Variants in SLC15A5 observed in about 807,000 individuals in gnomAD.
The protein encoded by SLC15A5 is solute carrier family 15 member 5, also known as Peptide/histidine transporter ENSP00000340402.
Under a neutral mutation model 56.1 loss-of-function variants are expected in SLC15A5, and 58 were observed. The ratio of observed to expected loss-of-function variants is 1.03; its 90% CI spans 0.84 to 1.29. The LOEUF is 1.29. SLC15A5 is among the 50% of genes most tolerant of loss of function. SLC15A5 has a pLI of 0.00. For missense variants in SLC15A5, 681 were observed against 672.1 expected (o/e 1.01, Z -0.15); for synonymous variants, 264 against 250.5 (o/e 1.05, Z -0.51).
chr12:16,259,214 T>C (rs1405976303), intron 2 of SLC15A5, among the ~76,000 whole-genome samples: 1 of 151,650 alleles, frequency 6.6e-6, no homozygotes. Context: ...TTTTTTTATT[T>C]TTAGTAGAGA....
intron 3 of SLC15A5, among the ~76,000 whole-genome samples, chr12:16,247,977 C>T (rs79109468): frequency 5.1e-4 from 78 of 152,096 alleles, no homozygotes; most frequent in Non-Finnish European, 9.9e-4. Flanking sequence ...CAGTAGTAGC[C>T]ATGAAGAGAT....
At chr12:16,258,333 A>AAT (rs1396762541) in intron 2 of SLC15A5, among the ~76,000 whole-genome samples, 1 of 152,200 alleles carries the variant, frequency 6.6e-6, no homozygotes, top group Non-Finnish European at 1.5e-5. Context: ...AATACTCAGA[A>AAT]ATATCTGGGT....
At chr12:16,274,289 T>C (rs1167318097) in intron 1 of SLC15A5, among the ~76,000 whole-genome samples, 1 of 152,108 alleles carries the variant, frequency 6.6e-6, no homozygotes. Flanking sequence ...CCTACCATCA[T>C]TGTATGAGAA....
chr12:16,267,419 G>T (rs1055622221), intron 2 of SLC15A5, among the ~76,000 whole-genome samples: 1 of 116,342 alleles, frequency 8.6e-6, no homozygotes. Context: ...TATTCTGGCA[G>T]CCAAATATTT....
chr12:16,223,537 C>A (rs1864209464), intron 6 of SLC15A5, among the ~76,000 whole-genome samples: 1 of 151,988 alleles, frequency 6.6e-6, no homozygotes, highest in African/African-American at 2.4e-5. Flanking sequence ...TTCAGAAACC[C>A]TTGATATTTA....
intron 7 of SLC15A5, among the ~76,000 whole-genome samples, chr12:16,211,454 A>G (rs1205051000): frequency 6.6e-6 from 1 of 152,152 alleles, no homozygotes; most frequent in African/African-American, 2.4e-5. Context: ...ACTTGTAGGG[A>G]CAAGAAGATA....
intron 3 of SLC15A5, among the ~76,000 whole-genome samples, chr12:16,255,029 A>T (rs934948980): frequency 3.9e-5 from 6 of 152,138 alleles, no homozygotes; most frequent in Non-Finnish European, 7.4e-5. Context: ...GTTTGAAATG[A>T]TGGATCTGCC....
chr12:16,260,583 A>G (rs1382230142), intron 2 of SLC15A5, among the ~76,000 whole-genome samples: 1 of 151,986 alleles, frequency 6.6e-6, no homozygotes, highest in East Asian at 1.9e-4. Context: ...ATGTTCTACA[A>G]ATGTTTTCTT....
chr12:16,265,182 T>A (rs1001919563), intron 2 of SLC15A5, among the ~76,000 whole-genome samples: 1 of 152,142 alleles, frequency 6.6e-6, no homozygotes, highest in Non-Finnish European at 1.5e-5. Context: ...ATCACAGCTA[T>A]TGTAGCAAGG....
intron 7 of SLC15A5, among the ~76,000 whole-genome samples, chr12:16,203,836 C>T (rs953246549): frequency 2.0e-5 from 3 of 151,998 alleles, no homozygotes; most frequent in Non-Finnish European, 2.9e-5. Flanking sequence ...TATAAATTTA[C>T]CAAGTTTATT....
chr12:16,237,099 T>A lies in SLC15A5; in HGVS notation c.1162+2582A>T, dbSNP rs1275350914. Among the ~76,000 whole-genome samples the A allele has an allele frequency of 6.6e-6, 1 of 152,154 alleles. No individual in the cohort carries two copies. The highest frequency in any genetic ancestry group is 2.4e-5 in the African/African-American group (1 of 41,436). ...ATTCATAATTCATATACCTATATACTTCACCCACATTTTCAGGCACTTGAG... is the reference window on the plus strand; with the variant it reads ...ATTCATAATTCATATACCTATATACATCACCCACATTTTCAGGCACTTGAG... On this transcript the variant is annotated intron_variant, in intron 5 of 8. Coordinates refer to ENST00000344941, the MANE Select transcript of SLC15A5 (RefSeq NM_001170798.1). The surrounding 1 kb of genome is among the most constrained non-coding windows in gnomAD (Gnocchi z 4.1).
At chr12:16,247,421 G>C (rs892800283) in intron 3 of SLC15A5, among the ~76,000 whole-genome samples, 9 of 151,998 alleles carry the variant, frequency 5.9e-5, no homozygotes, top group African/African-American at 1.9e-4. Flanking sequence ...AACTGTTTTG[G>C]GCCCTGAAAA....
chr12:16,259,636 C>T (rs1339172009), intron 2 of SLC15A5, among the ~76,000 whole-genome samples: 2 of 152,102 alleles, frequency 1.3e-5, no homozygotes, highest in Non-Finnish European at 2.9e-5. Context: ...GAACTTAATG[C>T]GATCATAGTA....
intron 3 of SLC15A5, 69 bp from the exon 4 acceptor site, chr12:16,244,869 G>T: frequency 7.0e-7 from 1 of 1,437,016 alleles, no homozygotes; most frequent in Non-Finnish European, 9.4e-7. Context: ...ATGCTGATCA[G>T]AAAGATAACG....
intron 7 of SLC15A5, among the ~76,000 whole-genome samples, chr12:16,204,582 A>G (rs1430592494): frequency 6.6e-6 from 1 of 151,964 alleles, no homozygotes; most frequent in African/African-American, 2.4e-5. Context: ...TCATAAAATT[A>G]TTATAATAAT....
chr12:16,218,195 T>C (rs1053216380), intron 6 of SLC15A5, among the ~76,000 whole-genome samples: 1 of 152,170 alleles, frequency 6.6e-6, no homozygotes, highest in Non-Finnish European at 1.5e-5. Context: ...GGGGAGTTTA[T>C]TATACTAATC....
At chr12:16,223,436 TAC>T (rs1352210026) in intron 6 of SLC15A5, among the ~76,000 whole-genome samples, 1 of 152,308 alleles carries the variant, frequency 6.6e-6, no homozygotes, top group East Asian at 1.9e-4. Context: ...TAAATAGATG[TAC>T]ACACACATTA....
chr12:16,215,023 T>C (rs1438078840), intron 7 of SLC15A5, among the ~76,000 whole-genome samples: 1 of 151,846 alleles, frequency 6.6e-6, no homozygotes, highest in East Asian at 1.9e-4. Flanking sequence ...GCCAATATGA[T>C]GAAATCTCAT....
At chr12:16,274,486 A>G (rs1217433782) in intron 1 of SLC15A5, among the ~76,000 whole-genome samples, 1 of 152,152 alleles carries the variant, frequency 6.6e-6, no homozygotes, top group East Asian at 1.9e-4. Flanking sequence ...AATTCCTTAC[A>G]GATAAAAATT....
Sources: allele counts gnomAD v4.1 joint callset (sites outside exome capture counted in the v4.1 genomes callset), GRCh38; gene constraint gnomAD v4.1.1; non-coding constraint Gnocchi (gnomAD v3.1); transcripts MANE v1.5; gene names NCBI Gene and HGNC (gene_info 2026-07-23, HGNC 2026-07-21).